The following MYO10 variants were observed in gnomAD, a reference collection of about 807,000 sequenced individuals.
The protein encoded by MYO10 is myosin X, also known as unconventional myosin-X.
A neutral mutation model predicts 257.3 loss-of-function variants in MYO10; 133 were observed. The ratio of observed to expected loss-of-function variants is 0.52; its 90% confidence interval spans 0.45 to 0.60. The LOEUF (loss-of-function observed/expected upper bound fraction) is 0.60. Among genes scored for constraint, MYO10 ranks in the 20% least tolerant of loss-of-function variants. The probability of loss-of-function intolerance (pLI) is 0.00; values close to 1 mark genes in which losing one functional copy is unlikely to be tolerated. For synonymous variants in MYO10, 1,104 were observed against 1,028.6 expected (o/e 1.07, Z -1.40); for missense variants, 2,399 against 2,635.7 (o/e 0.91, Z 1.97).
chr5:16,717,624 A>G (rs896030768), intron 19 of MYO10, among the ~76,000 whole-genome samples: 1 of 152,242 alleles, frequency 6.6e-6, no homozygotes, highest in Non-Finnish European at 1.5e-5. Context: ...TTGCAAACTG[A>G]GCAAATCCAA....
At chr5:16,681,268 T>TAA in intron 32 of MYO10, 41 bp downstream of exon 32, 1 of 1,568,262 alleles carries the variant, frequency 6.4e-7, no homozygotes, top group Non-Finnish European at 8.6e-7. Flanking sequence ...GCCCAGACTT[T>TAA]AAGATTTGAT....
In MYO10 at chr5:16,679,524, GTTTTTT is replaced by G. The variant is rs33919452; in HGVS notation, c.4542+417_4542+422del. On this transcript the variant is annotated intron_variant, in intron 33 of 40. Coordinates refer to ENST00000513610, the MANE Select transcript of MYO10 (RefSeq NM_012334.3). ...TTAACCAAGCGCTAGTTTTTTGGGT[GTTTTTT>G]TTTTTTTTTTTTGAGACGAAGTCTC... Among the ~76,000 whole-genome samples the G allele has an allele frequency of 2.0e-4, 24 of 122,652 alleles. 1 individual carries two copies. The highest frequency in any genetic ancestry group is 7.1e-4 in the African/African-American group (22 of 31,086). 80.5% of individuals were successfully genotyped at this position (122,652 alleles called of 152,430 possible).
chr5:16,876,550 T>G (rs989019905), intron 2 of MYO10, among the ~76,000 whole-genome samples: 1 of 152,098 alleles, frequency 6.6e-6, no homozygotes, highest in Non-Finnish European at 1.5e-5. Flanking sequence ...ACACTCTATT[T>G]GTGATTAACT....
chr5:16,836,030 A>G (rs1743302640), intron 2 of MYO10, among the ~76,000 whole-genome samples: 1 of 152,148 alleles, frequency 6.6e-6, no homozygotes, highest in Non-Finnish European at 1.5e-5. Context: ...AATATCTAAG[A>G]GCCAGAGGAT....
At chr5:16,821,890 A>G (rs1307660496) in intron 2 of MYO10, among the ~76,000 whole-genome samples, 1 of 149,516 alleles carries the variant, frequency 6.7e-6, no homozygotes, top group Non-Finnish European at 1.5e-5. Flanking sequence ...GACAATCGCT[A>G]CATGAATAAA....
In MYO10 at chr5:16,666,395, G is replaced by T; in HGVS notation, c.*297C>A. The stretch of plus-strand genomic sequence containing the variant: ...GATTAGTGTTGGTTCCACAAGTTAA[G>T]GCACTTCCGGCTGCTTTGGTGGCAG... On this transcript the variant is annotated 3_prime_UTR_variant, in exon 41 of 41. Transcript: ENST00000513610. 6.1e-6 allele frequency: 2 copies of T among 329,904 alleles called. No individual in the cohort carries two copies. Among genetic ancestry groups the T allele is most frequent in the African/African-American group, 2.1e-5 (1 of 46,798 alleles). The allele number at this position is 329,904 out of a possible 1,614,324, so 20.4% of individuals were successfully genotyped here.
chr5:16,694,172 A>C (rs1561186682), intron 27 of MYO10, among the ~76,000 whole-genome samples, 199 bp downstream of exon 27: 2 of 152,216 alleles, frequency 1.3e-5, no homozygotes, highest in Admixed American at 6.5e-5. Context: ...CACATGTCTG[A>C]GTGTAATCAC....
At chr5:16,866,961 G>A (rs980587258) in intron 2 of MYO10, among the ~76,000 whole-genome samples, 2 of 152,150 alleles carry the variant, frequency 1.3e-5, no homozygotes, top group Admixed American at 1.3e-4. Context: ...TGCCCGACCT[G>A]GAGAGCGGGC....
At chr5:16,757,192 AG>A (rs759253929) in intron 18 of MYO10, among the ~76,000 whole-genome samples, 32 of 145,466 alleles carry the variant, frequency 2.2e-4, no homozygotes, top group Admixed American at 2.1e-3. Flanking sequence ...CAGGAGGCTG[AG>A]GGGGGAGAAT....
Position 16,661,963 on chromosome 5 carries a change from G to C in MYO10, c.*4729C>G, listed in dbSNP as rs1579767478. ...AGGTGGCAGGGTAGATTTGGTCTCT[G>C]TACTGTAGTTCACTGACCCCTGATC... On this transcript the variant is annotated 3_prime_UTR_variant, in exon 41 of 41. Transcript: ENST00000513610. 1 of 152,164 alleles carries C rather than the reference G, an allele frequency of 6.6e-6. No individual in the cohort carries two copies. The highest frequency in any genetic ancestry group is 1.5e-5 in the Non-Finnish European group (1 of 68,034). The allele number at this position is 152,164 out of a possible 1,614,324, so 9.4% of individuals were successfully genotyped here.
chr5:16,668,081 C>CA (rs1159381469), intron 40 of MYO10, among the ~76,000 whole-genome samples, 196 bp downstream of exon 40: 4 of 151,832 alleles, frequency 2.6e-5, no homozygotes, highest in East Asian at 1.9e-4. Context: ...CAAAAGTATA[C>CA]AAAAAAAATA....
At chr5:16,932,706 T>C (rs1746323205) in intron 1 of MYO10, among the ~76,000 whole-genome samples, 1 of 152,206 alleles carries the variant, frequency 6.6e-6, no homozygotes, top group South Asian at 2.1e-4. Context: ...AGCTGTCAGC[T>C]GACTGGCACA....
intron 2 of MYO10, among the ~76,000 whole-genome samples, chr5:16,818,401 T>TATATATATATAC (rs1742698559): frequency 4.1e-5 from 5 of 120,506 alleles, no homozygotes; most frequent in African/African-American, 1.5e-4. Flanking sequence ...TGTGTGTGTG[T>TATATATATATAC]GTGTGTGTGT....
intron 33 of MYO10, 61 bp from the exon 34 acceptor site, chr5:16,676,215 T>C: frequency 1.3e-6 from 2 of 1,584,174 alleles, no homozygotes; most frequent in Non-Finnish European, 1.7e-6. Context: ...TATAAATATT[T>C]TTCAAGACTC....
At chr5:16,768,205 T>A (rs551332356) in intron 10 of MYO10, among the ~76,000 whole-genome samples, 1 of 152,238 alleles carries the variant, frequency 6.6e-6, no homozygotes, top group Admixed American at 6.5e-5. Flanking sequence ...AGAAAAGTTT[T>A]AAAAATTAAT....
Position 16,685,845 on chromosome 5 carries a change from A to G in MYO10, c.3897-14T>C. 1 of 1,579,182 alleles carries G rather than the reference A, an allele frequency of 6.3e-7. No individual in the cohort carries two copies. The highest frequency in any genetic ancestry group is 8.6e-7 in the Non-Finnish European group (1 of 1,162,286). On this transcript the variant is annotated splice_polypyrimidine_tract_variant and intron_variant, in intron 28 of 40. Transcript: ENST00000513610. ...CTGAACCACTGGCTGTGGGGAAGAG[A>G]GAGCAACTGTCAAGGAGAGGCCAAC... is the stretch of plus-strand genomic sequence containing the variant.
At chr5:16,821,756 G>A (rs1416178372) in intron 2 of MYO10, among the ~76,000 whole-genome samples, 1 of 151,754 alleles carries the variant, frequency 6.6e-6, no homozygotes, top group Non-Finnish European at 1.5e-5. Context: ...GTGAGCCACC[G>A]CGCCCGGCCC....
At chr5:16,903,701 G>A (rs1362938694) in intron 1 of MYO10, among the ~76,000 whole-genome samples, 2 of 152,172 alleles carry the variant, frequency 1.3e-5, no homozygotes, top group Non-Finnish European at 2.9e-5. Flanking sequence ...TCAACAGCCT[G>A]AAAAAGGAAT....
At chr5:16,885,199 T>C (rs990052861) in intron 1 of MYO10, among the ~76,000 whole-genome samples, 2 of 151,970 alleles carry the variant, frequency 1.3e-5, no homozygotes, top group African/African-American at 4.8e-5. Flanking sequence ...CTGCTTTTTT[T>C]TTTTTTTAAG....
Sources: allele counts gnomAD v4.1 joint callset (sites outside exome capture counted in the v4.1 genomes callset), GRCh38; gene constraint gnomAD v4.1.1; transcripts MANE v1.5; gene names NCBI Gene and HGNC (gene_info 2026-07-23, HGNC 2026-07-21).